Variants in MYRF observed in about 807,000 individuals in gnomAD.
MYRF encodes the protein myelin regulatory factor.
A neutral mutation model predicts 126.3 loss-of-function variants in MYRF; 16 were observed. That is an observed-to-expected ratio of 0.13 (90% CI 0.09 to 0.19). MYRF has a LOEUF of 0.19. MYRF is among the 10% of genes least tolerant of loss of function. The pLI, the probability that MYRF is intolerant of heterozygous loss-of-function variation, is 1.00. For synonymous variants in MYRF, 608 were observed against 635.3 expected, an observed-to-expected ratio of 0.96 and a Z score of 0.65; for missense variants, 1,104 against 1,547.0, an observed-to-expected ratio of 0.71 and a Z score of 4.80.
In MYRF at chr11:61,777,661, G is replaced by A; in HGVS notation, c.1792-73G>A. Reference sequence around the variant, plus strand: ...TCCACACTGCAGCCTCCAGGCTGCCGCCCTCCTGGGCTCCGGGGCCTGCTC... The same window carrying A: ...TCCACACTGCAGCCTCCAGGCTGCCACCCTCCTGGGCTCCGGGGCCTGCTC... On this transcript the variant is annotated intron_variant, in intron 12 of 26. Transcript: ENST00000278836. The surrounding 1 kb of genome is among the most constrained non-coding windows in gnomAD (Gnocchi z 8.8). 1 of 1,448,692 alleles carries A rather than the reference G, an allele frequency of 6.9e-7. No homozygotes were observed. The highest frequency in any genetic ancestry group is 1.2e-5 in the South Asian group (1 of 80,436). 89.7% of individuals were successfully genotyped at this position (1,448,692 alleles called of 1,614,324 possible). A position where few individuals can be genotyped will look rare whatever the true frequency, so the allele number is the denominator to read the frequency against.
Position 61,786,597 on chromosome 11 carries a change from GAC to G in MYRF, c.*455_*456del, listed in dbSNP as rs1428700622. 5.5e-6 allele frequency: 1 copy of G among 182,004 alleles called. No individual in the cohort carries two copies. Among genetic ancestry groups the G allele is most frequent in the East Asian group, 1.4e-4 (1 of 7,154 alleles). The allele number at this position is 182,004 out of a possible 1,614,324, so 11.3% of individuals were successfully genotyped here. ...AGGGGGCTCGGATCCAGCCCTAAGA[GAC>G]TTGGGTGGACCCCCATGAGTCAATG... On this transcript the variant is annotated 3_prime_UTR_variant, in exon 27 of 27. Transcript: ENST00000278836. This position sits in a 1 kb window ranked among gnomAD's most constrained non-coding sequence, Gnocchi z 4.5.
intron 5 of MYRF, 123 bp from the exon 6 acceptor site, chr11:61,771,377 G>A: frequency 7.5e-7 from 1 of 1,327,824 alleles, no homozygotes; most frequent in Non-Finnish European, 1.0e-6. Context: ...CCTGAAGGAG[G>A]TGTCCTCTGG....
In MYRF at chr11:61,779,298, G is replaced by A; in HGVS notation, c.2049G>A (p.Lys683=). 2 of 1,548,732 alleles carry A rather than the reference G, an allele frequency of 1.3e-6. No individual in the cohort carries two copies. Reference sequence around the variant, plus strand: ...TCATGGAGAACGTAGGGGCCGTGAAGGAGCTGTGCAAGCTGACAGACAACC... The same window carrying A: ...TCATGGAGAACGTAGGGGCCGTGAAAGAGCTGTGCAAGCTGACAGACAACC... ...RIFMENVGAV[K]ELCKLTDNLE... is the part of the protein sequence containing the mutation. The change falls in exon 15 of 27, where the codon AAG becomes AAA. Residue 683 remains lysine, a synonymous_variant. Coordinates refer to ENST00000278836, the MANE Select transcript of MYRF (RefSeq NM_001127392.3).
At position 61,766,047 on chromosome 11, in the gene MYRF, T is replaced by C; in HGVS notation, c.224T>C (p.Leu75Pro). 1 of 1,600,588 alleles carries C rather than the reference T, an allele frequency of 6.2e-7. No individual in the cohort carries two copies. The highest frequency in any genetic ancestry group is 1.3e-5 in the African/African-American group (1 of 74,890). The stretch of plus-strand genomic sequence containing the variant: ...CCTGGCTCCAGCGGGGTCCACCACC[T>C]GAGCCCCCCTGGGGGTGGACCCTCC... ...AMPGSSGVHH[L>P]SPPGGGPSPG... The change falls in exon 3 of 27, where the codon CTG becomes CCG. Residue 75 changes from leucine (L) to proline (P), a missense_variant. Physicochemically the swap from Leu to Pro is moderately conservative, Grantham distance 98. This residue lies in a region of MYRF where 368 missense variants were observed against 403.9 expected (regional missense o/e 0.91). Transcript: ENST00000278836.
At position 61,779,392 on chromosome 11, in the gene MYRF, C is replaced by G. The variant is rs1405010261; in HGVS notation, c.2143C>G (p.Leu715Val). 2 of 1,551,290 alleles carry G rather than the reference C, an allele frequency of 1.3e-6. No homozygotes were observed. The highest frequency in any genetic ancestry group is 1.7e-6 in the Non-Finnish European group (2 of 1,146,930). ...GGCCAAGCTGCGGCGGCTCGACAGC[C>G]TCAAGTCCACCGGCAGCTCGGGCGC... Reference protein sequence around the residue: ...KLAKLRRLDSLKSTGSSGAFS... With the variant: ...KLAKLRRLDSVKSTGSSGAFS... Residue 715 changes from leucine (L) to valine (V), a missense_variant, in exon 15 of 27, where the codon CTC becomes GTC. Leu to Val is a conservative substitution (Grantham distance 32). Coordinates refer to ENST00000278836, the MANE Select transcript of MYRF (RefSeq NM_001127392.3).
chr11:61,779,020 G>A lies in MYRF; in HGVS notation c.2014-243G>A, dbSNP rs991330733. On this transcript the variant is annotated intron_variant, in intron 14 of 26. Transcript: ENST00000278836. ...GCAGGGAGTGGGGAGGGCCATTCAGGCAGGTGGGACAGCCCAGGTGAAGGT... is the reference window on the plus strand; with the variant it reads ...GCAGGGAGTGGGGAGGGCCATTCAGACAGGTGGGACAGCCCAGGTGAAGGT... 9.1e-6 allele frequency: 6 copies of A among 660,726 alleles called. No individual in the cohort carries two copies. In the East Asian group the frequency reaches 1.4e-4, roughly 16 times the overall value. The allele number at this position is 660,726 out of a possible 1,614,324, so 40.9% of individuals were successfully genotyped here.
chr11:61,768,117 C>CAAA (rs561078800), intron 3 of MYRF, among the ~76,000 whole-genome samples: 1 of 60,384 alleles, frequency 1.7e-5, no homozygotes, highest in African/African-American at 6.1e-5. Flanking sequence ...GACTCTGTCT[C>CAAA]AAAAAAAAAA....
At chr11:61,779,228 T>C in intron 14 of MYRF, 35 bp from the exon 15 acceptor site, 1 of 1,527,414 alleles carries the variant, frequency 6.5e-7, no homozygotes, top group African/African-American at 1.4e-5. Context: ...GCCCTCTGTG[T>C]TGGCCCATGG....
Position 61,779,382 on chromosome 11 carries a change from G to A in MYRF, c.2133G>A (p.Arg711=). ...GCCACAAGCTGGCCAAGCTGCGGCGGCTCGACAGCCTCAAGTCCACCGGCA... is the reference window on the plus strand; with the variant it reads ...GCCACAAGCTGGCCAAGCTGCGGCGACTCGACAGCCTCAAGTCCACCGGCA... ...RWSHKLAKLR[R]LDSLKSTGSS... The change falls in exon 15 of 27, where the codon CGG becomes CGA. Residue 711 remains arginine, a synonymous_variant. Transcript: ENST00000278836. 3 of 1,551,244 alleles carry A rather than the reference G, an allele frequency of 1.9e-6. No individual in the cohort carries two copies. In the East Asian group the frequency reaches 7.3e-5, roughly 38 times the overall value.
chr11:61,769,605 G>A (rs771653374), intron 4 of MYRF, among the ~76,000 whole-genome samples: 8 of 152,188 alleles, frequency 5.3e-5, no homozygotes, highest in Non-Finnish European at 1.0e-4. Context: ...GGGGAAGGCC[G>A]TGGGTGCAGC....
At chr11:61,765,797 A>T (rs954133238) in intron 2 of MYRF, 85 bp downstream of exon 2, 4 of 1,461,562 alleles carry the variant, frequency 2.7e-6, no homozygotes, top group Non-Finnish European at 3.7e-6. Context: ...TGAGGGCCGG[A>T]CCTGGGGTCT....
Position 61,780,283 on chromosome 11 carries a change from A to T in MYRF, c.2398A>T (p.Thr800Ser), listed in dbSNP as rs777445430. The T allele has an allele frequency of 6.2e-7, 1 of 1,612,324 alleles. No homozygotes were observed. Among genetic ancestry groups the T allele is most frequent in the Non-Finnish European group, 8.5e-7 (1 of 1,179,124 alleles). Residue 800 changes from threonine to serine, a missense_variant, in exon 18 of 27, where the codon ACT becomes TCT. Coordinates refer to ENST00000278836, the MANE Select transcript of MYRF (RefSeq NM_001127392.3). The stretch of plus-strand genomic sequence containing the variant: ...GCGCACAGAGGAGGACCTGGTAGAC[A>T]CTGATGGGTAGGTTCCTGGAGGCCA... ...SLRTEEDLVD[T>S]DGSFAVSTSC...
At chr11:61,784,918 G>A (rs2135902795) in intron 25 of MYRF, 1 of 153,850 alleles carries the variant, frequency 6.5e-6, no homozygotes, top group East Asian at 1.9e-4. Flanking sequence ...TTCTTCTTGA[G>A]CCTAAGAGGC....
intron 16 of MYRF, 78 bp from the exon 17 acceptor site, chr11:61,779,764 C>G: frequency 7.0e-7 from 1 of 1,422,096 alleles, no homozygotes. Flanking sequence ...AACCGCTCCT[C>G]CGACCTCCAG....
rs185949125 is a variant in MYRF at position 61,777,407 on chromosome 11, G to A, written c.1734G>A (p.Lys578=). 6.2e-7 allele frequency: 1 copy of A among 1,613,886 alleles called. No homozygotes were observed. Among genetic ancestry groups the A allele is most frequent in the Admixed American group, 1.7e-5 (1 of 60,008 alleles). The part of the protein sequence containing the change: ...DEALVVHGNV[K]VMGSLMHPSD... ...CGCTGGTTGTGCACGGGAATGTCAA[G>A]GTCATGGGCTCGCTTATGCACCCCT... is the stretch of plus-strand genomic sequence containing the variant. The change falls in exon 12 of 27, where the codon AAG becomes AAA. Residue 578 remains lysine (K), a synonymous_variant. Coordinates refer to ENST00000278836, the MANE Select transcript of MYRF (RefSeq NM_001127392.3). This position sits in a 1 kb window ranked among gnomAD's most constrained non-coding sequence, Gnocchi z 8.8.
intron 25 of MYRF, 174 bp downstream of exon 25, chr11:61,784,559 C>A: frequency 1.7e-6 from 1 of 600,994 alleles, no homozygotes; most frequent in East Asian, 2.8e-5. Context: ...CACGCGTGCC[C>A]GTGTTTGTTC....
At chr11:61,784,135 G>A in intron 24 of MYRF, 145 bp from the exon 25 acceptor site, 1 of 980,326 alleles carries the variant, frequency 1.0e-6, no homozygotes, top group Non-Finnish European at 1.5e-6. Context: ...TGGTCGATGG[G>A]AAAGGTTTTG....
intron 1 of MYRF, among the ~76,000 whole-genome samples, chr11:61,754,693 C>T (rs906702000): frequency 6.9e-5 from 10 of 145,670 alleles, no homozygotes; most frequent in Admixed American, 1.4e-4. Flanking sequence ...AGCGGCCTGG[C>T]GGGGGGAGGC....
rs914489792 is a variant in MYRF, at chr11:61,778,897, C to T, written c.2014-366C>T. 1 of 563,582 alleles carries T rather than the reference C, an allele frequency of 1.8e-6. No homozygotes were observed. Among genetic ancestry groups the T allele is most frequent in the South Asian group, 1.5e-5 (1 of 65,560 alleles). 34.9% of individuals were successfully genotyped at this position (563,582 alleles called of 1,614,324 possible). ...CAAGGAGGCATGTAATAGGTCTCCA[C>T]CCCAGCTGAATAGTGAAGTGCTGAC... On this transcript the variant is annotated intron_variant, in intron 14 of 26. Transcript: ENST00000278836. The surrounding 1 kb of genome is among the most constrained non-coding windows in gnomAD (Gnocchi z 4.6).
Sources: allele counts gnomAD v4.1 joint callset (sites outside exome capture counted in the v4.1 genomes callset), GRCh38; gene constraint gnomAD v4.1.1; regional missense constraint gnomAD v4.1.1; non-coding constraint Gnocchi (gnomAD v3.1); transcripts MANE v1.5; gene names NCBI Gene and HGNC (gene_info 2026-07-23, HGNC 2026-07-21).